The following DTNB variants were observed in gnomAD, a reference collection of about 807,000 sequenced individuals.
The protein encoded by DTNB is DTN-B.
Under a neutral mutation model 90.7 loss-of-function variants are expected in DTNB, and 63 were observed. The ratio of observed to expected loss-of-function variants is 0.69; its 90% CI spans 0.57 to 0.86. DTNB has a LOEUF of 0.86. Among genes scored for constraint, DTNB ranks in the 40% least tolerant of loss-of-function variants. The pLI, the probability that DTNB is intolerant of heterozygous loss-of-function variation, is 0.00. For missense variants in DTNB, 744 were observed against 807.1 expected, an observed-to-expected ratio of 0.92 and a Z score of 0.95; for synonymous variants, 277 against 286.7, an observed-to-expected ratio of 0.97 and a Z score of 0.34.
chr2:25,416,804 CGAAG>C (rs56106629), intron 16 of DTNB, among the ~76,000 whole-genome samples: 13,572 of 129,948 alleles, frequency 0.1, 764 homozygotes, highest in Non-Finnish European at 0.12. Context: ...AAGGAAGGAA[CGAAG>C]GAAGGAAGGA....
intron 1 of DTNB, among the ~76,000 whole-genome samples, chr2:25,653,478 GCTTT>G (rs1201675268): frequency 0.05 from 5,877 of 116,420 alleles, 438 homozygotes; most frequent in African/African-American, 0.15. Context: ...TTCAGAGCTT[GCTTT>G]CTTTCTTTCT....
At chr2:25,477,320 G>A (rs1236722934) in intron 10 of DTNB, among the ~76,000 whole-genome samples, 6 of 152,088 alleles carry the variant, frequency 3.9e-5, no homozygotes, top group Non-Finnish European at 7.4e-5. Flanking sequence ...CAAACCTGCC[G>A]TGTCTCTGAG....
rs142975608 is a variant in DTNB at position 25,409,227 on chromosome 2, T to TTTCA, written c.1575+10284_1575+10287dup. ...AATCAGTGAAATAAACCCAACTGGA[T>TTTCA]TTCATTCATTCATTCATTCATTCAT... On this transcript the variant is annotated intron_variant, in intron 16 of 20. Transcript: ENST00000406818. Among the ~76,000 whole-genome samples the TTTCA allele has an allele frequency of 2.5e-3, 377 of 152,248 alleles. 3 individuals carry two copies. The highest frequency in any genetic ancestry group is 8.1e-3 in the East Asian group (42 of 5,186).
At chr2:25,397,877 C>CAAAA (rs56318909) in intron 16 of DTNB, among the ~76,000 whole-genome samples, 84 of 72,766 alleles carry the variant, frequency 1.2e-3, no homozygotes, top group Middle Eastern at 7.1e-3. Flanking sequence ...AAGACTGTCT[C>CAAAA]AAAAAAAAAA....
chr2:25,572,763 T>C (rs772662857), intron 8 of DTNB, among the ~76,000 whole-genome samples: 2 of 152,110 alleles, frequency 1.3e-5, no homozygotes, highest in African/African-American at 4.8e-5. Context: ...AGAAACTTAG[T>C]AGGCCTTTGA....
At chr2:25,427,389 C>G (rs1448485563) in intron 15 of DTNB, 146 bp downstream of exon 15, 1 of 668,038 alleles carries the variant, frequency 1.5e-6, no homozygotes, top group East Asian at 3.1e-5. Flanking sequence ...CTTTTATACC[C>G]AATTAGGCTA....
intron 8 of DTNB, among the ~76,000 whole-genome samples, chr2:25,536,467 C>A (rs991324289): frequency 6.6e-6 from 1 of 152,068 alleles, no homozygotes. Flanking sequence ...CTCGGGAGGC[C>A]GAGGCGGGCA....
intron 9 of DTNB, among the ~76,000 whole-genome samples, chr2:25,529,573 C>T (rs980968494): frequency 6.6e-6 from 1 of 151,446 alleles, no homozygotes; most frequent in African/African-American, 2.4e-5. Flanking sequence ...GGGTGGGAGA[C>T]ATCTTTTTTC....
chr2:25,484,454 T>G (rs556674239), intron 9 of DTNB, among the ~76,000 whole-genome samples: 6 of 152,210 alleles, frequency 3.9e-5, no homozygotes, highest in Non-Finnish European at 8.8e-5. Flanking sequence ...GCAGGTTTCA[T>G]AGTACACTCA....
In DTNB at chr2:25,427,737, C is replaced by T. The variant is rs1030998780; in HGVS notation, c.1458-106G>A. Reference sequence around the variant, plus strand: ...ATCCTGCTACTTACCAGTTATGAGACGCTGAGCAAGTCATTTAGCATCCAA... The same window carrying T: ...ATCCTGCTACTTACCAGTTATGAGATGCTGAGCAAGTCATTTAGCATCCAA... On this transcript the variant is annotated intron_variant, in intron 14 of 20. Coordinates refer to ENST00000406818, the MANE Select transcript of DTNB (RefSeq NM_021907.5). 4.9e-5 allele frequency: 52 copies of T among 1,051,160 alleles called. No homozygotes were observed. In the South Asian group the frequency reaches 5.3e-4, roughly 11 times the overall value. 65.1% of individuals were successfully genotyped at this position (1,051,160 alleles called of 1,614,324 possible).
chr2:25,580,634 A>T, intron 7 of DTNB, 87 bp downstream of exon 7: 1 of 1,226,346 alleles, frequency 8.2e-7, no homozygotes. Flanking sequence ...GTAATTTTCA[A>T]TGATATTAAT....
At chr2:25,539,704 G>C (rs1229526539) in intron 8 of DTNB, among the ~76,000 whole-genome samples, 2 of 149,184 alleles carry the variant, frequency 1.3e-5, no homozygotes, top group Non-Finnish European at 3.0e-5. Context: ...CTATGTTTTT[G>C]ATGAACATCT....
intron 10 of DTNB, among the ~76,000 whole-genome samples, chr2:25,477,210 A>G (rs539858492): frequency 7.9e-5 from 12 of 152,246 alleles, no homozygotes; most frequent in Non-Finnish European, 1.3e-4. Flanking sequence ...TTATGAGGCT[A>G]TAGTATAGTG....
At chr2:25,639,564 GA>G (rs1303533125) in intron 2 of DTNB, among the ~76,000 whole-genome samples, 3 of 148,448 alleles carry the variant, frequency 2.0e-5, no homozygotes, top group Admixed American at 2.0e-4. Context: ...CCGGTTGCCT[GA>G]AAGGTCCCCT....
intron 16 of DTNB, among the ~76,000 whole-genome samples, chr2:25,408,538 CAAAAAAAAA>C (rs11395783): frequency 0.012 from 377 of 32,742 alleles, 5 homozygotes; most frequent in African/African-American, 0.034. Flanking sequence ...GACTCCATCT[CAAAAAAAAA>C]AAAAAAAAAA....
intron 9 of DTNB, among the ~76,000 whole-genome samples, chr2:25,484,704 A>C (rs1320988899): frequency 2.6e-5 from 4 of 152,212 alleles, no homozygotes; most frequent in African/African-American, 9.6e-5. Context: ...TTATTGTTCT[A>C]CATTCCTCCC....
Position 25,388,221 on chromosome 2 carries a change from C to G in DTNB, c.1716G>C (p.Val572=). ...ACTCACCTTGTGCGAAGGCCTCCTG[C>G]ACGTCTCCCCCGACTCCGCTCAGCG... The part of the protein sequence containing the change: ...QDSLSGVGGD[V]QEAFAQGTRR... Residue 572 remains valine (V), a synonymous_variant, in exon 17 of 21, where the codon GTG becomes GTC. Coordinates refer to ENST00000406818, the MANE Select transcript of DTNB (RefSeq NM_021907.5). 1.3e-6 allele frequency: 2 copies of G among 1,582,884 alleles called. No homozygotes were observed. Among genetic ancestry groups the G allele is most frequent in the Non-Finnish European group, 8.6e-7 (1 of 1,164,930 alleles).
At chr2:25,537,706 C>G (rs1042514816) in intron 8 of DTNB, among the ~76,000 whole-genome samples, 1 of 152,138 alleles carries the variant, frequency 6.6e-6, no homozygotes, top group African/African-American at 2.4e-5. Context: ...AGTCTCTAAG[C>G]AAGAGTTTGA....
chr2:25,640,488 T>A (rs1485583505), intron 2 of DTNB, among the ~76,000 whole-genome samples: 2 of 152,206 alleles, frequency 1.3e-5, no homozygotes, highest in Non-Finnish European at 2.9e-5. Context: ...TCAATCAACC[T>A]TCCTCCTGAT....
Sources: gnomAD v4.1 joint callset for allele counts (sites outside exome capture counted in the v4.1 genomes callset) on GRCh38, gnomAD v4.1.1 for gene constraint, MANE v1.5 for transcripts, NCBI Gene and HGNC (gene_info 2026-07-23, HGNC 2026-07-21) for gene names.